The following BCAN variants were observed in gnomAD, a reference collection of about 807,000 sequenced individuals.
BCAN encodes brevican.
BCAN carries 51 observed loss-of-function variants against 92.4 expected under a neutral mutation model. That is an observed-to-expected ratio of 0.55 (90% CI 0.44 to 0.70). The LOEUF (loss-of-function observed/expected upper bound fraction) is 0.70, where lower values mean the gene tolerates loss of function less well. Among genes scored for constraint, BCAN ranks in the 30% least tolerant of loss-of-function variants. The probability of loss-of-function intolerance (pLI) is 0.00; values close to 1 mark genes in which losing one functional copy is unlikely to be tolerated. For synonymous variants in BCAN, 501 were observed against 505.2 expected, an observed-to-expected ratio of 0.99 and a Z score of 0.11; for missense variants, 1,140 against 1,212.1, an observed-to-expected ratio of 0.94 and a Z score of 0.88.
At chr1:156,646,625 GAGGACCTAGAGGTAGGGCTGC>G in intron 2 of BCAN, 155 bp from the exon 3 acceptor site, 1 of 1,091,336 alleles carries the variant, frequency 9.2e-7, no homozygotes, top group Non-Finnish European at 1.3e-6. Flanking sequence ...GGTGGTCCTG[GAGGACCTAGAGGTAGGGCTGC>G]AGGACCCTGG....
At position 156,652,802 on chromosome 1, in the gene BCAN, A is replaced by T. The variant is rs1571447718; in HGVS notation, c.1852A>T (p.Thr618Ser). The T allele has an allele frequency of 2.5e-6, 4 of 1,613,428 alleles. No individual in the cohort carries two copies. Among genetic ancestry groups the T allele is most frequent in the Non-Finnish European group, 3.4e-6 (4 of 1,179,562 alleles). ...EAPSEDNSGR[T>S]APAGTSVQAQ... ...CCCCTCTGAAGATAATTCTGGAAGA[A>T]CTGCCCCAGCAGGGACCTCAGTGCA... The change falls in exon 8 of 14, where the codon ACT becomes TCT. Residue 618 changes from threonine to serine, a missense_variant. Physicochemically the swap from Thr to Ser is moderately conservative, Grantham distance 58 (BLOSUM62 1). Around this residue, in one of 3 missense-constraint regions of BCAN, gnomAD observed 825 missense variants for 871.8 expected, o/e 0.95. Coordinates refer to ENST00000329117, the MANE Select transcript of BCAN (RefSeq NM_021948.5).
chr1:156,658,484 G>A lies in BCAN; in HGVS notation c.2438-59G>A, dbSNP rs935032034. The A allele has an allele frequency of 1.3e-6, 2 of 1,569,500 alleles. No individual in the cohort carries two copies. Among genetic ancestry groups the A allele is most frequent in the East Asian group, 2.3e-5 (1 of 44,328 alleles). On this transcript the variant is annotated intron_variant, in intron 12 of 13. Transcript: ENST00000329117. This position sits in a 1 kb window ranked among gnomAD's most constrained non-coding sequence, Gnocchi z 4.4. The stretch of plus-strand genomic sequence containing the variant: ...GGCCCATTTTTCTCTTCCCCATGGA[G>A]ATTCTGGGAACTGTCACCCACAGAG...
At chr1:156,649,114 TG>T in intron 6 of BCAN, among the ~76,000 whole-genome samples, 1 of 152,216 alleles carries the variant, frequency 6.6e-6, no homozygotes, top group South Asian at 2.1e-4. Context: ...CAGTAGTCCA[TG>T]CCTTGTTTGC....
chr1:156,652,514 C>T lies in BCAN; in HGVS notation c.1564C>T (p.Leu522Phe). The change falls in exon 8 of 14, where the codon CTT becomes TTT. Residue 522 changes from leucine (L) to phenylalanine (F), a missense_variant. Leu to Phe is a conservative substitution (Grantham distance 22). This residue lies in a region of BCAN where 825 missense variants were observed against 871.8 expected (regional missense o/e 0.95). Coordinates refer to ENST00000329117, the MANE Select transcript of BCAN (RefSeq NM_021948.5). ...RAVLQPGASP[L>F]PDGESEASRP... Reference sequence around the variant, plus strand: ...AGTCCTGCAGCCTGGTGCATCACCACTTCCTGATGGAGAGTCAGAAGCTTC... The same window carrying T: ...AGTCCTGCAGCCTGGTGCATCACCATTTCCTGATGGAGAGTCAGAAGCTTC... 1 of 1,611,970 alleles carries T rather than the reference C, an allele frequency of 6.2e-7. No homozygotes were observed. The highest frequency in any genetic ancestry group is 8.5e-7 in the Non-Finnish European group (1 of 1,178,962).
At chr1:156,651,340 T>C (rs1302220775) in intron 6 of BCAN, 116 bp from the exon 7 acceptor site, 1 of 966,536 alleles carries the variant, frequency 1.0e-6, no homozygotes, top group East Asian at 2.4e-5. Flanking sequence ...TGGGCCCCAG[T>C]AGGTGCTCCA....
rs1374965645 is a variant in BCAN at position 156,647,095 on chromosome 1, C to T, written c.386C>T (p.Pro129Leu). The change falls in exon 3 of 14, where the codon CCC (proline) becomes CTC (leucine). Residue 129 changes from proline (P) to leucine (L), a missense_variant. This residue lies in a region of BCAN where 286 missense variants were observed against 284.1 expected (regional missense o/e 1.01). Coordinates refer to ENST00000329117, the MANE Select transcript of BCAN (RefSeq NM_021948.5). This position sits in a 1 kb window ranked among gnomAD's most constrained non-coding sequence, Gnocchi z 4.8. ...DVSLALSELR[P>L]NDSGIYRCEV... ...TCCCTGGCGCTGAGCGAGCTGCGCC[C>T]CAACGACTCAGGTATCTATCGCTGT... The T allele has an allele frequency of 1.2e-6, 2 of 1,607,516 alleles. No homozygotes were observed. The highest frequency in any genetic ancestry group is 1.7e-6 in the Non-Finnish European group (2 of 1,175,340).
Position 156,647,254 on chromosome 1 carries a change from T to G in BCAN, c.466+79T>G. 6.9e-7 allele frequency: 1 copy of G among 1,440,784 alleles called. No homozygotes were observed. Among genetic ancestry groups the G allele is most frequent in the Non-Finnish European group, 9.2e-7 (1 of 1,087,610 alleles). The allele number at this position is 1,440,784 out of a possible 1,614,324, so 89.2% of individuals were successfully genotyped here. On this transcript the variant is annotated intron_variant, in intron 3 of 13. Transcript: ENST00000329117. This position sits in a 1 kb window ranked among gnomAD's most constrained non-coding sequence, Gnocchi z 4.8. ...TCTTGCCTTCGGGGATCCCACAGTG[T>G]GAGAGGGAAGCAAAGGTAGCTGGAA...
chr1:156,657,262 A>AC (rs1557992726), intron 10 of BCAN, 166 bp downstream of exon 10: 24 of 966,866 alleles, frequency 2.5e-5, no homozygotes, highest in Non-Finnish European at 3.1e-5. Context: ...CTCCCTTCCC[A>AC]CCCTACGCTT....
rs1185099747 is a variant in BCAN at position 156,652,700 on chromosome 1, G to A, written c.1750G>A (p.Glu584Lys). Residue 584 changes from glutamate to lysine, a missense_variant, in exon 8 of 14, where the codon GAG becomes AAG. Physicochemically the swap from Glu to Lys is moderately conservative, Grantham distance 56. This residue lies in a region of BCAN where 825 missense variants were observed against 871.8 expected (regional missense o/e 0.95). Transcript: ENST00000329117. ...LSGVPRGESE[E>K]TGSSEGAPSL... ...TGGGGTCCCTCGAGGAGAGAGCGAGGAGACAGGAAGCTCCGAGGGTGCCCC... is the reference window on the plus strand; with the variant it reads ...TGGGGTCCCTCGAGGAGAGAGCGAGAAGACAGGAAGCTCCGAGGGTGCCCC... 1 of 1,607,388 alleles carries A rather than the reference G, an allele frequency of 6.2e-7. No individual in the cohort carries two copies. The highest frequency in any genetic ancestry group is 1.1e-5 in the South Asian group (1 of 90,606).
intron 8 of BCAN, chr1:156,653,201 C>G: frequency 7.4e-7 from 1 of 1,350,214 alleles, no homozygotes; most frequent in South Asian, 2.0e-5. Flanking sequence ...CATCCTCAGG[C>G]CTCTCCAAGG....
At chr1:156,651,049 C>G (rs1396531189) in intron 6 of BCAN, among the ~76,000 whole-genome samples, 6 of 152,236 alleles carry the variant, frequency 3.9e-5, no homozygotes. Flanking sequence ...TCCAGCCCCT[C>G]CCCCTAGGGA....
chr1:156,646,663 GC>G, intron 2 of BCAN, 137 bp from the exon 3 acceptor site: 1 of 1,382,114 alleles, frequency 7.2e-7, no homozygotes, highest in Non-Finnish European at 9.5e-7. Context: ...CTGGCCCCTG[GC>G]CCCTGGCCCC....
chr1:156,657,617 C>A, intron 10 of BCAN, 58 bp from the exon 11 acceptor site: 2 of 1,450,964 alleles, frequency 1.4e-6, no homozygotes, highest in African/African-American at 1.4e-5. Context: ...CGCCCGGGAG[C>A]GGGGAACGGC....
intron 10 of BCAN, 103 bp from the exon 11 acceptor site, chr1:156,657,572 C>T: frequency 2.3e-6 from 2 of 884,184 alleles, no homozygotes; most frequent in Admixed American, 2.8e-5. Context: ...GGTGCTGGAT[C>T]GCGGGGAAGG....
chr1:156,648,950 C>G (rs1040278808), intron 6 of BCAN, 89 bp downstream of exon 6: 10 of 1,409,818 alleles, frequency 7.1e-6, no homozygotes, highest in Non-Finnish European at 9.4e-6. Flanking sequence ...ATCAGTTTAG[C>G]TCAGGGCTTT....
chr1:156,644,273 T>C (rs1021833638), intron 1 of BCAN: 34 of 152,288 alleles, frequency 2.2e-4, no homozygotes, highest in African/African-American at 7.9e-4. Context: ...ACTCCAACTA[T>C]ATGGGTCTCT....
chr1:156,658,218 G>A lies in BCAN; in HGVS notation c.2384G>A (p.Trp795Ter), dbSNP rs1557993299. The A allele has an allele frequency of 6.2e-7, 1 of 1,614,126 alleles. No homozygotes were observed. Among genetic ancestry groups the A allele is most frequent in the Non-Finnish European group, 8.5e-7 (1 of 1,180,006 alleles). The change falls in exon 12 of 14, where the codon TGG becomes TAG. Residue 795 changes from tryptophan (W) to a stop codon, truncating the protein, a stop_gained. Coordinates refer to ENST00000329117, the MANE Select transcript of BCAN (RefSeq NM_021948.5). LOFTEE classifies it high-confidence loss of function. This position sits in a 1 kb window ranked among gnomAD's most constrained non-coding sequence, Gnocchi z 4.4. ...ATGGTGTGGCATGATCAGGGACAAT[G>A]GAGTGACGTGCCCTGCAACTACCAC... ...VVMVWHDQGQ[W>*]SDVPCNYHLS... is the part of the protein sequence containing the mutation.
chr1:156,658,395 C>T lies in BCAN; in HGVS notation c.2437+124C>T. 1 of 1,469,858 alleles carries T rather than the reference C, an allele frequency of 6.8e-7. No individual in the cohort carries two copies. The highest frequency in any genetic ancestry group is 1.3e-5 in the South Asian group (1 of 75,498). 91.1% of individuals were successfully genotyped at this position (1,469,858 alleles called of 1,614,324 possible). On this transcript the variant is annotated intron_variant, in intron 12 of 13. Transcript: ENST00000329117. This position sits in a 1 kb window ranked among gnomAD's most constrained non-coding sequence, Gnocchi z 4.4. ...AGAGGAGTCAGAACGTGTTCCAGAC[C>T]ATGGGAGAGCTAACAAGTTACGTGG...
chr1:156,657,000 A>G lies in BCAN; in HGVS notation c.2113A>G (p.Thr705Ala), dbSNP rs772177939. The part of the protein sequence containing the change: ...FQGACYKHFS[T>A]RRSWEEAETQ... ...GGGCGCCTGCTACAAGCACTTTTCC[A>G]CACGAAGGAGCTGGGAGGAGGCAGA... The change falls in exon 10 of 14, where the codon ACA becomes GCA. Residue 705 changes from threonine (T) to alanine (A), a missense_variant. This residue lies in a region of BCAN where 825 missense variants were observed against 871.8 expected (regional missense o/e 0.95). Transcript: ENST00000329117. 6.2e-7 allele frequency: 1 copy of G among 1,614,010 alleles called. No homozygotes were observed. Among genetic ancestry groups the G allele is most frequent in the South Asian group, 1.1e-5 (1 of 91,066 alleles).
Sources: gnomAD v4.1 joint callset for allele counts (sites outside exome capture counted in the v4.1 genomes callset) on GRCh38, gnomAD v4.1.1 for gene constraint, gnomAD v4.1.1 regional missense constraint, Gnocchi (gnomAD v3.1) non-coding constraint, MANE v1.5 for transcripts, NCBI Gene and HGNC (gene_info 2026-07-23, HGNC 2026-07-21) for gene names.